Variants in PCNX2 observed in about 807,000 individuals in gnomAD.
PCNX2 encodes pecanex-like protein 2.
In PCNX2, 168 loss-of-function variants were observed where a neutral mutation model predicts 223.8. That is an observed-to-expected ratio of 0.75 (90% CI 0.66 to 0.85). The LOEUF (loss-of-function observed/expected upper bound fraction) is 0.85, where lower values mean the gene tolerates loss of function less well. PCNX2 is among the 40% of genes least tolerant of loss of function. The pLI, the probability that PCNX2 is intolerant of heterozygous loss-of-function variation, is 0.00. For synonymous variants in PCNX2, 1,006 were observed against 1,052.6 expected, an observed-to-expected ratio of 0.96 and a Z score of 0.86; for missense variants, 2,507 against 2,675.5, an observed-to-expected ratio of 0.94 and a Z score of 1.39.
chr1:233,265,941 G>A (rs1660307797), intron 1 of PCNX2, among the ~76,000 whole-genome samples: 1 of 152,122 alleles, frequency 6.6e-6, no homozygotes, highest in Admixed American at 6.5e-5. Context: ...GTGTAAGCTT[G>A]GTAATACTGA....
At chr1:233,144,925 C>T (rs1032679264) in intron 19 of PCNX2, among the ~76,000 whole-genome samples, 4 of 149,400 alleles carry the variant, frequency 2.7e-5, no homozygotes, top group Non-Finnish European at 4.4e-5. Flanking sequence ...TTAGGGCCTT[C>T]GGTGCTATTT....
intron 21 of PCNX2, among the ~76,000 whole-genome samples, chr1:233,128,942 T>C (rs1466169736): frequency 6.6e-6 from 1 of 152,226 alleles, no homozygotes; most frequent in Non-Finnish European, 1.5e-5. Context: ...TCTTTCTCAC[T>C]GCCCTCCTGA....
chr1:233,199,967 C>A (rs1298198132), intron 14 of PCNX2, among the ~76,000 whole-genome samples, 187 bp downstream of exon 14: 1 of 152,158 alleles, frequency 6.6e-6, no homozygotes, highest in Non-Finnish European at 1.5e-5. Flanking sequence ...GCTAAGTGGA[C>A]CTCTTCCAAT....
chr1:233,133,228 C>T (rs552433482), intron 21 of PCNX2, among the ~76,000 whole-genome samples: 72 of 152,228 alleles, frequency 4.7e-4, no homozygotes, highest in African/African-American at 1.6e-3. Context: ...AAACTCTTAT[C>T]CCTGCAAGCA....
At chr1:232,997,667 G>A (rs932139224) in intron 32 of PCNX2, among the ~76,000 whole-genome samples, 1 of 152,184 alleles carries the variant, frequency 6.6e-6, no homozygotes, top group African/African-American at 2.4e-5. Flanking sequence ...CCATCTGGTG[G>A]AGTATAACTA....
At chr1:233,262,009 C>A in intron 3 of PCNX2, 36 bp downstream of exon 3, 1 of 1,612,056 alleles carries the variant, frequency 6.2e-7, no homozygotes, top group Non-Finnish European at 8.5e-7. Flanking sequence ...ATCGAAATCA[C>A]ATGAAGAGGG....
In PCNX2 at chr1:233,258,776, AGAAGTATCGATGAGAGTAACAGCTAC is replaced by A. The variant is rs1208386653; in HGVS notation, c.1060_1085del (p.Val354SerfsTer10). The A allele has an allele frequency of 2.0e-5, 32 of 1,613,760 alleles. No individual in the cohort carries two copies. The highest frequency in any genetic ancestry group is 2.6e-5 in the Non-Finnish European group (31 of 1,179,898). ...GTAGACTCAGTGGGTCTCCGGGTTG[AGAAGTATCGATGAGAGTAACAGCTAC>A]CTCACTATCTGAGGAGTCCACTTCC... On this transcript the variant is annotated frameshift_variant, in exon 5 of 34. Coordinates refer to ENST00000258229, the MANE Select transcript of PCNX2 (RefSeq NM_014801.4). LOFTEE classifies it high-confidence loss of function.
At chr1:233,275,658 G>A (rs1660868021) in intron 1 of PCNX2, among the ~76,000 whole-genome samples, 1 of 152,120 alleles carries the variant, frequency 6.6e-6, no homozygotes. Context: ...CCACTTTTGG[G>A]TATACATGCA....
In PCNX2 at chr1:233,186,184, T is replaced by G. The variant is rs140332159; in HGVS notation, c.3067-7009A>C. 8.7e-3 allele frequency among the ~76,000 whole-genome samples: 1,318 copies of G among 152,330 alleles called. 5 individuals are homozygous for G. Among genetic ancestry groups the G allele is most frequent in the South Asian group, 0.03 (147 of 4,820 alleles). On this transcript the variant is annotated intron_variant, in intron 15 of 33. Coordinates refer to ENST00000258229, the MANE Select transcript of PCNX2 (RefSeq NM_014801.4). ...TTTGCTATGCCTTTCATATCAGGTT[T>G]AAATACTTTCTTTTTAAAGAAACTG...
chr1:233,263,452 ATTTT>A (rs67108893), intron 1 of PCNX2, among the ~76,000 whole-genome samples: 34,954 of 126,154 alleles, frequency 0.28, 4,191 homozygotes, highest in South Asian at 0.39. Context: ...AAACCTCTCC[ATTTT>A]TTTTTTTTTT....
chr1:233,163,694 A>T (rs1433120077), intron 17 of PCNX2, among the ~76,000 whole-genome samples: 1 of 151,602 alleles, frequency 6.6e-6, no homozygotes, highest in Non-Finnish European at 1.5e-5. Context: ...TTCCTAATCT[A>T]TCCCTTTCCT....
the PCNX2 span, among the ~76,000 whole-genome samples, chr1:233,301,186 G>A: frequency 6.6e-6 from 1 of 152,122 alleles, no homozygotes; most frequent in Non-Finnish European, 1.5e-5. Context: ...TCAAAGCTAA[G>A]TACTCTAAAA....
At chr1:233,053,089 G>A (rs1672064338) in intron 25 of PCNX2, among the ~76,000 whole-genome samples, 2 of 152,026 alleles carry the variant, frequency 1.3e-5, no homozygotes, top group Non-Finnish European at 2.9e-5. Flanking sequence ...CTCTTAAAGT[G>A]TAGAGAGGGT....
chr1:233,006,135 T>C (rs200915124), intron 28 of PCNX2, among the ~76,000 whole-genome samples: 2 of 152,142 alleles, frequency 1.3e-5, no homozygotes, highest in Non-Finnish European at 2.9e-5. Flanking sequence ...CCAGCTTCCA[T>C]GGCACCATGG....
intron 17 of PCNX2, among the ~76,000 whole-genome samples, chr1:233,164,953 T>C (rs1344393524): frequency 2.0e-5 from 3 of 152,194 alleles, no homozygotes; most frequent in Non-Finnish European, 4.4e-5. Flanking sequence ...TCTGGTGTTC[T>C]ACAGGATAGT....
the PCNX2 span, among the ~76,000 whole-genome samples, chr1:233,320,620 C>T: frequency 2.6e-5 from 4 of 152,116 alleles, no homozygotes; most frequent in East Asian, 3.8e-4. Flanking sequence ...AAGTAGTAGT[C>T]GCTTAAAGAT....
Position 233,277,975 on chromosome 1 carries a change from T to C in PCNX2, c.154-14812A>G, listed in dbSNP as rs554564723. Among the ~76,000 whole-genome samples, 6 of 152,364 alleles carry C rather than the reference T, an allele frequency of 3.9e-5. No homozygotes were observed. In the South Asian group the frequency reaches 1.2e-3, roughly 32 times the overall value. On this transcript the variant is annotated intron_variant, in intron 1 of 33. Coordinates refer to ENST00000258229, the MANE Select transcript of PCNX2 (RefSeq NM_014801.4). The stretch of plus-strand genomic sequence containing the variant: ...AACTTATTTTCAACATTACTGATTA[T>C]GTTTATCATTCTTTATTGATTAATT...
At chr1:233,229,187 A>G (rs1657916713) in intron 9 of PCNX2, among the ~76,000 whole-genome samples, 1 of 152,228 alleles carries the variant, frequency 6.6e-6, no homozygotes, top group South Asian at 2.1e-4. Flanking sequence ...CCATCTCTCC[A>G]TTTCCAGATG....
intron 21 of PCNX2, among the ~76,000 whole-genome samples, chr1:233,132,296 A>G (rs935401713): frequency 1.3e-5 from 2 of 151,944 alleles, no homozygotes; most frequent in African/African-American, 4.8e-5. Context: ...CATCCTCCCC[A>G]TTCTACACAG....
Sources: gnomAD v4.1 joint callset for allele counts (sites outside exome capture counted in the v4.1 genomes callset) on GRCh38, gnomAD v4.1.1 for gene constraint, MANE v1.5 for transcripts, NCBI Gene and HGNC (gene_info 2026-07-23, HGNC 2026-07-21) for gene names.